Variants in CEP85L observed in about 807,000 individuals in gnomAD.
CEP85L encodes centrosomal protein 85L.
A neutral mutation model predicts 100.3 loss-of-function variants in CEP85L; 60 were observed. The ratio of observed to expected loss-of-function variants is 0.60; its 90% CI spans 0.49 to 0.74. CEP85L has a LOEUF of 0.74. Among genes scored for constraint, CEP85L ranks in the 30% least tolerant of loss-of-function variants. CEP85L has a pLI of 0.00. For synonymous variants in CEP85L, 319 were observed against 322.7 expected, an observed-to-expected ratio of 0.99 and a Z score of 0.12; for missense variants, 973 against 936.2, an observed-to-expected ratio of 1.04 and a Z score of -0.51.
intron 2 of CEP85L, among the ~76,000 whole-genome samples, chr6:118,584,153 T>C (rs1211305975): frequency 6.6e-6 from 1 of 152,204 alleles, no homozygotes; most frequent in African/African-American, 2.4e-5. Flanking sequence ...TATTCTGCTA[T>C]GTGCCCCAAC....
chr6:118,657,410 G>A (rs889570867), upstream of CEP85L, among the ~76,000 whole-genome samples: 11 of 152,174 alleles, frequency 7.2e-5, no homozygotes, highest in African/African-American at 2.7e-4. Context: ...TTGAAGTCAG[G>A]AGTTCCAGAT....
intron 3 of CEP85L, among the ~76,000 whole-genome samples, chr6:118,527,303 C>G (rs1193235486): frequency 1.3e-5 from 2 of 152,084 alleles, no homozygotes; most frequent in African/African-American, 4.8e-5. Flanking sequence ...CCGCGTCCGG[C>G]TCTACTTTCT....
intron 2 of CEP85L, among the ~76,000 whole-genome samples, chr6:118,630,893 G>C (rs1349178265): frequency 1.3e-5 from 2 of 152,120 alleles, no homozygotes; most frequent in African/African-American, 4.8e-5. Flanking sequence ...CACATGCAAG[G>C]GATATAGGTT....
At chr6:118,515,412 C>G (rs1352410421) in intron 4 of CEP85L, among the ~76,000 whole-genome samples, 2 of 152,022 alleles carry the variant, frequency 1.3e-5, no homozygotes, top group African/African-American at 4.8e-5. Context: ...TAGAATACTC[C>G]CCACAAAAGA....
At chr6:118,524,968 G>A (rs773619765) in intron 3 of CEP85L, among the ~76,000 whole-genome samples, 1 of 152,202 alleles carries the variant, frequency 6.6e-6, no homozygotes, top group Non-Finnish European at 1.5e-5. Context: ...CTGTGAGGTG[G>A]AGGACCTGTT....
Position 118,470,650 on chromosome 6 carries a change from AT to A in CEP85L, c.1915-7del, listed in dbSNP as rs760671521. Reference sequence around the variant, plus strand: ...GAAAGCTTTCCTTGCATAGACTAGAATTTTTAAAAAAATTGGAAAGCAAAAC... The same window carrying A: ...GAAAGCTTTCCTTGCATAGACTAGAATTTTAAAAAAATTGGAAAGCAAAAC... On this transcript the variant is annotated splice_polypyrimidine_tract_variant and splice_region_variant and intron_variant, in intron 10 of 12. Coordinates refer to ENST00000368491, the MANE Select transcript of CEP85L (RefSeq NM_001042475.3). 6.5e-7 allele frequency: 1 copy of A among 1,548,788 alleles called. No homozygotes were observed. The highest frequency in any genetic ancestry group is 1.2e-5 in the South Asian group (1 of 83,006).
At chr6:118,662,303 G>T (rs1775998846) in intron 1 of CEP85L, among the ~76,000 whole-genome samples, 1 of 152,076 alleles carries the variant, frequency 6.6e-6, no homozygotes, top group African/African-American at 2.4e-5. Flanking sequence ...GCCAAGGTGG[G>T]CAGATCACTT....
At chr6:118,555,273 C>T (rs1778786997) in intron 3 of CEP85L, among the ~76,000 whole-genome samples, 2 of 151,784 alleles carry the variant, frequency 1.3e-5, no homozygotes, top group Middle Eastern at 3.4e-3. Flanking sequence ...CTACTAAAAA[C>T]ACAAAAAAAT....
intron 2 of CEP85L, among the ~76,000 whole-genome samples, chr6:118,629,547 G>C (rs1053742458): frequency 6.6e-6 from 1 of 152,188 alleles, no homozygotes; most frequent in East Asian, 1.9e-4. Context: ...GTAGGATGTG[G>C]AGCAACAGAA....
At chr6:118,642,208 T>C (rs1774926153) in intron 1 of CEP85L, among the ~76,000 whole-genome samples, 1 of 152,192 alleles carries the variant, frequency 6.6e-6, no homozygotes, top group South Asian at 2.1e-4. Flanking sequence ...GTTAGGCATG[T>C]CTAAAAAATA....
At chr6:118,574,739 G>A (rs1193080662) in intron 2 of CEP85L, among the ~76,000 whole-genome samples, 1 of 151,836 alleles carries the variant, frequency 6.6e-6, no homozygotes, top group African/African-American at 2.4e-5. Flanking sequence ...AAGCCAGGGG[G>A]CAGCAGGAGT....
intron 10 of CEP85L, among the ~76,000 whole-genome samples, chr6:118,471,799 C>T (rs9489408): frequency 0.03 from 4,458 of 149,234 alleles, 111 homozygotes; most frequent in African/African-American, 0.057. Flanking sequence ...CAACAAGGGG[C>T]TCTCTGAATA....
At chr6:118,514,524 C>A (rs1259929843) in intron 4 of CEP85L, among the ~76,000 whole-genome samples, 1,657 of 86,800 alleles carry the variant, frequency 0.019, no homozygotes, top group East Asian at 0.048. Context: ...GACACTGTCT[C>A]AAAAAAAAAA....
chr6:118,692,790 T>C (rs1376337782), intron 1 of CEP85L, among the ~76,000 whole-genome samples: 1 of 152,206 alleles, frequency 6.6e-6, no homozygotes, highest in East Asian at 1.9e-4. Context: ...GAAGTATAGA[T>C]ACAATGATAG....
intron 3 of CEP85L, among the ~76,000 whole-genome samples, chr6:118,543,554 A>T (rs1190971504): frequency 6.6e-6 from 1 of 152,224 alleles, no homozygotes; most frequent in African/African-American, 2.4e-5. Context: ...GAATTATAAG[A>T]GATATTCACT....
At chr6:118,620,378 G>T (rs553117668) in intron 2 of CEP85L, among the ~76,000 whole-genome samples, 1 of 152,292 alleles carries the variant, frequency 6.6e-6, no homozygotes, top group Non-Finnish European at 1.5e-5. Context: ...CCTTGGTCAT[G>T]GCTCTCAGAC....
intron 3 of CEP85L, among the ~76,000 whole-genome samples, chr6:118,558,262 T>C (rs1324793537): frequency 6.6e-6 from 1 of 152,196 alleles, no homozygotes; most frequent in Non-Finnish European, 1.5e-5. Flanking sequence ...ATCTGGTTTT[T>C]ATTAATCTTT....
intron 3 of CEP85L, among the ~76,000 whole-genome samples, chr6:118,528,213 T>C (rs1186166375): frequency 2.1e-5 from 3 of 144,000 alleles, no homozygotes; most frequent in Non-Finnish European, 4.6e-5. Context: ...TCTTTTCTTT[T>C]TCTTTTTTTT....
intron 12 of CEP85L, among the ~76,000 whole-genome samples, chr6:118,467,488 T>C (rs951956704): frequency 2.0e-5 from 3 of 152,136 alleles, no homozygotes; most frequent in African/African-American, 7.2e-5. Context: ...ATGAAGTGAC[T>C]GGTTTTTCAC....
Sources: gnomAD v4.1 joint callset for allele counts (sites outside exome capture counted in the v4.1 genomes callset) on GRCh38, gnomAD v4.1.1 for gene constraint, MANE v1.5 for transcripts, NCBI Gene and HGNC (gene_info 2026-07-23, HGNC 2026-07-21) for gene names.